The following CHST8 variants were observed in gnomAD, a reference collection of about 807,000 sequenced individuals.
CHST8 encodes GALNAC-4-ST1.
CHST8 carries 10 observed loss-of-function variants against 15.0 expected under a neutral mutation model. That is an observed-to-expected ratio of 0.67 (90% CI 0.41 to 1.13). CHST8 has a LOEUF of 1.13. Ranked by LOEUF, CHST8 falls within the 50% of genes most tolerant of loss-of-function variation. CHST8 has a pLI of 0.00. For missense variants in CHST8, 634 were observed against 608.2 expected (o/e 1.04, Z -0.45); for synonymous variants, 259 against 256.6 (o/e 1.01, Z -0.09).
chr19:33,664,138 T>C (rs1972621220), intron 1 of CHST8, among the ~76,000 whole-genome samples: 1 of 152,152 alleles, frequency 6.6e-6, no homozygotes, highest in African/African-American at 2.4e-5. Context: ...TTCAAAGGAA[T>C]CTTCACTTCC....
At chr19:33,733,856 A>G (rs1974035957) in intron 3 of CHST8, among the ~76,000 whole-genome samples, 1 of 152,206 alleles carries the variant, frequency 6.6e-6, no homozygotes, top group South Asian at 2.1e-4. Flanking sequence ...CACTTTCTCA[A>G]CGGCCCACAC....
chr19:33,673,627 G>A (rs865970264), intron 2 of CHST8, among the ~76,000 whole-genome samples: 1 of 152,224 alleles, frequency 6.6e-6, no homozygotes, highest in Non-Finnish European at 1.5e-5. Flanking sequence ...GTCCCAGGAC[G>A]TGCACTTGCT....
intron 3 of CHST8, 82 bp downstream of exon 3, chr19:33,689,473 G>C (rs1430718177): frequency 7.1e-7 from 1 of 1,415,454 alleles, no homozygotes; most frequent in African/African-American, 1.5e-5. Flanking sequence ...GCCCTGGTGT[G>C]CTGGGCTTGG....
intron 2 of CHST8, among the ~76,000 whole-genome samples, chr19:33,672,941 A>G (rs1211322166): frequency 2.6e-5 from 4 of 152,190 alleles, no homozygotes; most frequent in Admixed American, 2.6e-4. Context: ...GTGGTTGAGG[A>G]TGGACCCAGG....
intron 3 of CHST8, among the ~76,000 whole-genome samples, chr19:33,700,875 C>T (rs1973319981): frequency 6.6e-6 from 1 of 152,140 alleles, no homozygotes; most frequent in Non-Finnish European, 1.5e-5. Flanking sequence ...AAGGGTGTCC[C>T]CTGGAGTTGT....
At chr19:33,693,489 T>C (rs1209418610) in intron 3 of CHST8, among the ~76,000 whole-genome samples, 1 of 152,208 alleles carries the variant, frequency 6.6e-6, no homozygotes, top group African/African-American at 2.4e-5. Context: ...ATTTGTTCCA[T>C]CCAATATCCA....
chr19:33,707,784 G>A lies in CHST8; in HGVS notation c.130+18393G>A, dbSNP rs77837278. The stretch of plus-strand genomic sequence containing the variant: ...TTGGGTAAATATTTAGGAGTAGAAT[G>A]GCTAGGTTGTAATAGTAAATTTACG... On this transcript the variant is annotated intron_variant, in intron 3 of 4. Transcript: ENST00000650847. Among the ~76,000 whole-genome samples the A allele has an allele frequency of 9.9e-3, 1,506 of 152,214 alleles. 23 individuals carry two copies. The highest frequency in any genetic ancestry group is 0.033 in the African/African-American group (1,387 of 41,506).
chr19:33,681,700 T>A (rs568043740), intron 2 of CHST8, among the ~76,000 whole-genome samples: 6 of 152,082 alleles, frequency 3.9e-5, no homozygotes, highest in Non-Finnish European at 8.8e-5. Context: ...AGCAGGTATT[T>A]TGGATGAGGA....
intron 1 of CHST8, among the ~76,000 whole-genome samples, chr19:33,653,659 G>C (rs1310327249): frequency 1.3e-5 from 2 of 152,178 alleles, no homozygotes; most frequent in Non-Finnish European, 2.9e-5. Flanking sequence ...TCTTGGATCT[G>C]ACTTCTACTC....
intron 3 of CHST8, among the ~76,000 whole-genome samples, chr19:33,744,948 C>T (rs1599611465): frequency 1.3e-5 from 2 of 152,118 alleles, no homozygotes; most frequent in African/African-American, 2.4e-5. Context: ...GGGGTTTCAC[C>T]GTGTTGGCCA....
At chr19:33,765,225 G>A (rs1275280009) in intron 3 of CHST8, among the ~76,000 whole-genome samples, 1 of 151,820 alleles carries the variant, frequency 6.6e-6, no homozygotes, top group Non-Finnish European at 1.5e-5. Flanking sequence ...ATCTTCTGTT[G>A]TTGCAAGCCA....
chr19:33,760,104 C>A (rs548698131), intron 3 of CHST8, among the ~76,000 whole-genome samples: 1 of 152,240 alleles, frequency 6.6e-6, no homozygotes, highest in South Asian at 2.1e-4. Flanking sequence ...CCCTGACCAA[C>A]CTTTCTGCTG....
chr19:33,699,286 C>T (rs1416677700), intron 3 of CHST8, among the ~76,000 whole-genome samples: 2 of 152,156 alleles, frequency 1.3e-5, no homozygotes, highest in African/African-American at 2.4e-5. Flanking sequence ...CTCTCGGGAG[C>T]TCACAATCTG....
At chr19:33,694,345 C>T (rs1973167159) in intron 3 of CHST8, among the ~76,000 whole-genome samples, 1 of 150,818 alleles carries the variant, frequency 6.6e-6, no homozygotes, top group African/African-American at 2.4e-5. Context: ...TTGCCTTTTC[C>T]TGGAGTCAAG....
At chr19:33,684,101 C>T (rs1013841265) in intron 2 of CHST8, among the ~76,000 whole-genome samples, 5 of 152,164 alleles carry the variant, frequency 3.3e-5, no homozygotes, top group African/African-American at 7.2e-5. Flanking sequence ...TGTTTGCAGG[C>T]GCCCCTCAGA....
chr19:33,635,005 C>T (rs908485341), intron 1 of CHST8, among the ~76,000 whole-genome samples: 1 of 152,176 alleles, frequency 6.6e-6, no homozygotes, highest in African/African-American at 2.4e-5. Flanking sequence ...CCTCTAGGCA[C>T]TGGCCATTTG....
intron 2 of CHST8, among the ~76,000 whole-genome samples, chr19:33,672,760 G>A (rs1972757797): frequency 6.6e-6 from 1 of 152,212 alleles, no homozygotes; most frequent in African/African-American, 2.4e-5. Flanking sequence ...TCCGAGAGCA[G>A]GACGCTTGGC....
intron 2 of CHST8, chr19:33,684,655 A>G (rs759390914): frequency 4.5e-4 from 68 of 152,240 alleles, no homozygotes; most frequent in Non-Finnish European, 4.0e-4. Flanking sequence ...AGCCGCGCGC[A>G]GGGAAGAACT....
In CHST8 at chr19:33,772,315, T is replaced by C; in HGVS notation, c.527T>C (p.Val176Ala). 3 of 1,604,430 alleles carry C rather than the reference T, an allele frequency of 1.9e-6. No homozygotes were observed. Among genetic ancestry groups the C allele is most frequent in the Non-Finnish European group, 1.7e-6 (2 of 1,179,202 alleles). Residue 176 changes from valine (V) to alanine (A), a missense_variant, in exon 5 of 5, where the codon GTC becomes GCC. Transcript: ENST00000650847. ...CGGGCGAGCAGCAGCCGCCGGGCCG[T>C]CACGCCCCGCCACGTGTCCCGTATC... ...KYRASSSRRA[V>A]TPRHVSRIFV...
Sources: allele counts gnomAD v4.1 joint callset (sites outside exome capture counted in the v4.1 genomes callset), GRCh38; gene constraint gnomAD v4.1.1; transcripts MANE v1.5; gene names NCBI Gene and HGNC (gene_info 2026-07-23, HGNC 2026-07-21).